Variants in ATP10D observed in about 807,000 individuals in gnomAD.
ATP10D encodes the protein phospholipid-transporting ATPase VD.
A neutral mutation model predicts 144.8 loss-of-function variants in ATP10D; 89 were observed. The observed-to-expected ratio is 0.61, with a 90% CI of 0.52 to 0.73. The LOEUF is 0.73. ATP10D is among the 30% of genes least tolerant of loss of function. The pLI, the probability that ATP10D is intolerant of heterozygous loss-of-function variation, is 0.00. For synonymous variants in ATP10D, 571 were observed against 615.1 expected, an observed-to-expected ratio of 0.93 and a Z score of 1.06; for missense variants, 1,603 against 1,714.8, an observed-to-expected ratio of 0.93 and a Z score of 1.15.
At chr4:47,547,095 A>AC (rs1718483025) in intron 10 of ATP10D, 1 of 526,812 alleles carries the variant, frequency 1.9e-6, no homozygotes, top group South Asian at 2.5e-5. Context: ...TTTCTGAAAA[A>AC]AAAAAAGGAG....
In ATP10D at chr4:47,546,724, C is replaced by T. The variant is rs747127287; in HGVS notation, c.1497C>T (p.Pro499=). The T allele has an allele frequency of 5.6e-6, 9 of 1,614,100 alleles. No homozygotes were observed. Among genetic ancestry groups the T allele is most frequent in the African/African-American group, 1.3e-5 (1 of 75,028 alleles). ...GCAATATGGCAAAACCGAGAGCCCC[C>T]AGCTGCAGGACAGTTCATAATGGGC... The part of the protein sequence containing the change: ...SLSNMAKPRA[P]SCRTVHNGPL... The change falls in exon 10 of 23, where the codon CCC becomes CCT. Residue 499 remains proline, a synonymous_variant. Transcript: ENST00000273859.
intron 5 of ATP10D, among the ~76,000 whole-genome samples, chr4:47,535,284 A>T (rs1011743986): frequency 2.6e-5 from 4 of 151,474 alleles, no homozygotes; most frequent in Admixed American, 6.6e-5. Flanking sequence ...CTACATAGTA[A>T]ACCTGCACGT....
At chr4:47,574,722 C>T (rs1324047528) in intron 18 of ATP10D, among the ~76,000 whole-genome samples, 1 of 151,944 alleles carries the variant, frequency 6.6e-6, no homozygotes, top group Non-Finnish European at 1.5e-5. Flanking sequence ...TGGCCCTTGT[C>T]CTGAGGTTCT....
In ATP10D at chr4:47,568,823, C is replaced by T; in HGVS notation, c.2854-14C>T. The T allele has an allele frequency of 6.2e-7, 1 of 1,605,796 alleles. No homozygotes were observed. Among genetic ancestry groups the T allele is most frequent in the Non-Finnish European group, 8.5e-7 (1 of 1,174,398 alleles). ...GGCGCCTGGAGGCTAACCACCTTTG[C>T]CTCTTGTTTCAAGGATGCCTGTGGG... On this transcript the variant is annotated splice_polypyrimidine_tract_variant and intron_variant, in intron 15 of 22. Coordinates refer to ENST00000273859, the MANE Select transcript of ATP10D (RefSeq NM_020453.4).
chr4:47,561,063 C>G lies in ATP10D; in HGVS notation c.2656C>G (p.Leu886Val). 1 of 1,614,176 alleles carries G rather than the reference C, an allele frequency of 6.2e-7. No homozygotes were observed. Among genetic ancestry groups the G allele is most frequent in the Non-Finnish European group, 8.5e-7 (1 of 1,179,990 alleles). Residue 886 changes from leucine (L) to valine (V), a missense_variant, in exon 14 of 23, where the codon CTT becomes GTT. Coordinates refer to ENST00000273859, the MANE Select transcript of ATP10D (RefSeq NM_020453.4). ...LESAMRLENK[L>V]TLLGATGIED... ...ATCTGCCATGAGGTTGGAGAACAAA[C>G]TTACATTACTTGGTAGGTGAATTAT...
intron 3 of ATP10D, among the ~76,000 whole-genome samples, chr4:47,522,245 A>G (rs1425488631): frequency 6.6e-6 from 1 of 152,142 alleles, no homozygotes; most frequent in African/African-American, 2.4e-5. Context: ...ATTCTACCCT[A>G]ACGAAAATGT....
In ATP10D at chr4:47,532,681, C is replaced by T. The variant is rs148629111; in HGVS notation, c.777-2828C>T. On this transcript the variant is annotated intron_variant, in intron 5 of 22. Transcript: ENST00000273859. ...AGCACAAATTGAGATGCTTAAGCTACCTGTCTATATGACACCTTCTTTGAT... is the reference window on the plus strand; with the variant it reads ...AGCACAAATTGAGATGCTTAAGCTATCTGTCTATATGACACCTTCTTTGAT... Among the ~76,000 whole-genome samples the T allele has an allele frequency of 2.6e-3, 396 of 152,318 alleles. 6 individuals carry two copies. The highest frequency in any genetic ancestry group is 0.014 in the Middle Eastern group (4 of 294).
intron 10 of ATP10D, 32 bp from the exon 11 acceptor site, chr4:47,554,694 T>C: frequency 6.5e-7 from 1 of 1,529,586 alleles, no homozygotes; most frequent in East Asian, 2.3e-5. Context: ...ATATACTTCT[T>C]ATAACAACAC....
rs746432231 is a variant in ATP10D at position 47,536,857 on chromosome 4, A to G, written c.1315A>G (p.Lys439Glu). ...ACAGATTCAGTACCTCTTTTCCGAT[A>G]AGACAGGAACCCTCACTGAGAATAA... ...LGQIQYLFSD[K>E]TGTLTENKMV... The change falls in exon 9 of 23, where the codon AAG (lysine) becomes GAG (glutamate). Residue 439 changes from lysine to glutamate, a missense_variant. By Grantham distance (56) the Lys-to-Glu change is moderately conservative. Coordinates refer to ENST00000273859, the MANE Select transcript of ATP10D (RefSeq NM_020453.4). The G allele has an allele frequency of 6.2e-7, 1 of 1,613,472 alleles. No individual in the cohort carries two copies. Among genetic ancestry groups the G allele is most frequent in the Non-Finnish European group, 8.5e-7 (1 of 1,179,712 alleles).
intron 19 of ATP10D, among the ~76,000 whole-genome samples, chr4:47,579,805 A>T (rs1362110268): frequency 6.6e-6 from 1 of 152,232 alleles, no homozygotes; most frequent in African/African-American, 2.4e-5. Flanking sequence ...GGAAGGAGTC[A>T]ATTTGATTAA....
intron 13 of ATP10D, 82 bp from the exon 14 acceptor site, chr4:47,560,867 G>A (rs1212032415): frequency 1.3e-6 from 2 of 1,532,008 alleles, no homozygotes; most frequent in African/African-American, 2.7e-5. Context: ...TTGATGGTTT[G>A]ATATTTTGCC....
At chr4:47,588,847 C>G (rs964266804) in intron 22 of ATP10D, among the ~76,000 whole-genome samples, 2 of 152,090 alleles carry the variant, frequency 1.3e-5, no homozygotes, top group Non-Finnish European at 2.9e-5. Context: ...AAATTCTGGG[C>G]CTTTAACAGT....
intron 14 of ATP10D, 123 bp from the exon 15 acceptor site, chr4:47,563,458 A>C: frequency 5.2e-6 from 4 of 764,178 alleles, no homozygotes; most frequent in Non-Finnish European, 7.8e-6. Flanking sequence ...TCTCCTGAGC[A>C]GCTGGGCAGT....
At chr4:47,513,340 A>G (rs962172050) in intron 2 of ATP10D, among the ~76,000 whole-genome samples, 1 of 152,236 alleles carries the variant, frequency 6.6e-6, no homozygotes, top group Admixed American at 6.5e-5. Context: ...AGGAAATGGA[A>G]GTGTGAGTGC....
At chr4:47,559,239 C>G (rs1438656602) in intron 13 of ATP10D, among the ~76,000 whole-genome samples, 6 of 152,152 alleles carry the variant, frequency 3.9e-5, no homozygotes, top group Admixed American at 3.3e-4. Flanking sequence ...CTTATAGTCT[C>G]TAAGTTCTTG....
Position 47,558,976 on chromosome 4 carries a change from C to G in ATP10D, c.2488C>G (p.His830Asp). The G allele has an allele frequency of 6.2e-7, 1 of 1,614,130 alleles. No individual in the cohort carries two copies. Among genetic ancestry groups the G allele is most frequent in the Non-Finnish European group, 8.5e-7 (1 of 1,180,000 alleles). Residue 830 changes from histidine to aspartate, a missense_variant, in exon 13 of 23, where the codon CAC (histidine) becomes GAC (aspartate). Transcript: ENST00000273859. ...QMIVREKTQK[H>D]LDDYAKQGLR... ...GATAGTAAGGGAGAAAACCCAGAAG[C>G]ACTTGGATGACTATGCCAAACAAGG...
At chr4:47,521,219 C>T (rs1243481152) in intron 3 of ATP10D, among the ~76,000 whole-genome samples, 1 of 152,176 alleles carries the variant, frequency 6.6e-6, no homozygotes, top group Non-Finnish European at 1.5e-5. Flanking sequence ...GATCAGGACC[C>T]TCAAACTGCT....
At position 47,557,679 on chromosome 4, in the gene ATP10D, C is replaced by CG; in HGVS notation, c.1840_1841insG (p.Leu614ArgfsTer7). 4 of 1,609,530 alleles carry CG rather than the reference C, an allele frequency of 2.5e-6. No individual in the cohort carries two copies. The highest frequency in any genetic ancestry group is 3.4e-6 in the Non-Finnish European group (4 of 1,176,368). ...TCTTTCATAGATCAGACACCCTTCACTGGGGGGGTTGCCCATTAAGTCTTT... is the reference window on the plus strand; with the variant it reads ...TCTTTCATAGATCAGACACCCTTCACGTGGGGGGGTTGCCCATTAAGTCTTT... On this transcript the variant is annotated frameshift_variant, in exon 12 of 23. Transcript: ENST00000273859. LOFTEE classifies it high-confidence loss of function.
At position 47,558,045 on chromosome 4, in the gene ATP10D, G is replaced by A; in HGVS notation, c.2206G>A (p.Ala736Thr). 2 of 1,614,238 alleles carry A rather than the reference G, an allele frequency of 1.2e-6. No individual in the cohort carries two copies. The highest frequency in any genetic ancestry group is 8.5e-7 in the Non-Finnish European group (1 of 1,180,046). Reference sequence around the variant, plus strand: ...CCCAGACGAAGCGGCCTTAGTGTATGCCGCCAGGGCTTACCAATGCACTTT... The same window carrying A: ...CCCAGACGAAGCGGCCTTAGTGTATACCGCCAGGGCTTACCAATGCACTTT... ...ESPDEAALVY[A>T]ARAYQCTLRS... Residue 736 changes from alanine (A) to threonine (T), a missense_variant, in exon 12 of 23, where the codon GCC becomes ACC. By Grantham distance (58) the Ala-to-Thr change is moderately conservative (BLOSUM62 0). Transcript: ENST00000273859.
Sources: allele counts gnomAD v4.1 joint callset (sites outside exome capture counted in the v4.1 genomes callset), GRCh38; gene constraint gnomAD v4.1.1; transcripts MANE v1.5; gene names NCBI Gene and HGNC (gene_info 2026-07-23, HGNC 2026-07-21).